PRKCQ: variants seen among roughly 807,000 people sequenced by gnomAD.
The protein encoded by PRKCQ is protein kinase C theta type.
A neutral mutation model predicts 91.2 loss-of-function variants in PRKCQ; 41 were observed. The observed-to-expected ratio is 0.45, with a 90% CI of 0.35 to 0.58. PRKCQ has a LOEUF of 0.58. Ranked by LOEUF, PRKCQ falls within the 20% of genes least tolerant of loss-of-function variation. The pLI is 0.00. For missense variants in PRKCQ, 673 were observed against 896.5 expected, an observed-to-expected ratio of 0.75 and a Z score of 3.18; for synonymous variants, 307 against 316.9, an observed-to-expected ratio of 0.97 and a Z score of 0.33.
intron 14 of PRKCQ, among the ~76,000 whole-genome samples, chr10:6,457,042 G>C (rs1366353914): frequency 2.0e-5 from 3 of 152,190 alleles, no homozygotes; most frequent in South Asian, 4.1e-4. Context: ...GTGCAGCTCA[G>C]TATAAGGAGG....
rs1833186065 is a variant in PRKCQ at position 6,427,741 on chromosome 10, G to T, written c.*466C>A. On this transcript the variant is annotated 3_prime_UTR_variant, in exon 18 of 18. Transcript: ENST00000263125. ...CCACAGATAGGAATAGAATAAAACG[G>T]GTTAGTGATTACTTGTCTGCGGCTG... 1 of 168,698 alleles carries T rather than the reference G, an allele frequency of 5.9e-6. No homozygotes were observed. The highest frequency in any genetic ancestry group is 1.3e-5 in the Non-Finnish European group (1 of 77,318). The allele number at this position is 168,698 out of a possible 1,614,324, so 10.5% of individuals were successfully genotyped here.
intron 15 of PRKCQ, among the ~76,000 whole-genome samples, chr10:6,446,602 G>A (rs1045159097): frequency 2.0e-5 from 3 of 152,008 alleles, no homozygotes; most frequent in African/African-American, 7.2e-5. Context: ...CTGACCTCAG[G>A]TGATCCGCCT....
Position 6,465,361 on chromosome 10 carries a change from CCCT to C in PRKCQ, c.1354-960_1354-958del, listed in dbSNP as rs1835593521. On this transcript the variant is annotated intron_variant, in intron 12 of 17. Coordinates refer to ENST00000263125, the MANE Select transcript of PRKCQ (RefSeq NM_006257.5). This position sits in a 1 kb window ranked among gnomAD's most constrained non-coding sequence, Gnocchi z 4.4. ...ATGATGTATGTCAGTAGAGCTGGGG[CCCT>C]CGAGTGGCCACAGTCAGAAGTAGGG... is the stretch of plus-strand genomic sequence containing the variant. 6.6e-6 allele frequency among the ~76,000 whole-genome samples: 1 copy of C among 152,170 alleles called. No homozygotes were observed. The highest frequency in any genetic ancestry group is 2.1e-4 in the South Asian group (1 of 4,828).
chr10:6,556,925 C>T (rs561290479), intron 1 of PRKCQ, among the ~76,000 whole-genome samples: 5 of 152,276 alleles, frequency 3.3e-5, no homozygotes, highest in Admixed American at 1.3e-4. Context: ...CAACTTCCTT[C>T]GCTCTGGTTC....
chr10:6,531,367 TG>T (rs1276442442), intron 1 of PRKCQ, among the ~76,000 whole-genome samples: 7 of 151,494 alleles, frequency 4.6e-5, no homozygotes, highest in Admixed American at 2.6e-4. Flanking sequence ...TGGCAATGTC[TG>T]GAGACAGATA....
chr10:6,412,950 T>A, the PRKCQ span, among the ~76,000 whole-genome samples: 1 of 103,758 alleles, frequency 9.6e-6, no homozygotes, highest in Non-Finnish European at 2.1e-5. Flanking sequence ...TACAATTTTA[T>A]TTTTTATTTT....
At position 6,571,117 on chromosome 10, in the gene PRKCQ, G is replaced by T. The variant is rs142471890; in HGVS notation, c.-10+9094C>A. Among the ~76,000 whole-genome samples the T allele has an allele frequency of 1.4e-3, 212 of 152,204 alleles. 2 individuals carry two copies. The highest frequency in any genetic ancestry group is 6.8e-3 in the Middle Eastern group (2 of 294). ...GGAGCTGGGGAAGACAGAGATCCTA[G>T]ATGGAGTGGGAAGTCACAGAGCTAC... is the stretch of plus-strand genomic sequence containing the variant. On this transcript the variant is annotated intron_variant, in intron 1 of 17. Coordinates refer to ENST00000263125, the MANE Select transcript of PRKCQ (RefSeq NM_006257.5).
the PRKCQ span, among the ~76,000 whole-genome samples, chr10:6,399,026 G>A: frequency 6.6e-6 from 1 of 152,186 alleles, no homozygotes; most frequent in Non-Finnish European, 1.5e-5. Flanking sequence ...CTCCCAAAGT[G>A]CTGAGATTAC....
In PRKCQ at chr10:6,514,811, C is replaced by T. The variant is rs115558177; in HGVS notation, c.118+207G>A. ...AAAATGATACAGTGCAATAGAGCAC[C>T]GGTGGGCCATCGGGTCCTGGTTTAG... On this transcript the variant is annotated intron_variant, in intron 2 of 17. Transcript: ENST00000263125. 8.6e-3 allele frequency among the ~76,000 whole-genome samples: 1,313 copies of T among 152,224 alleles called. 14 individuals carry two copies. The highest frequency in any genetic ancestry group is 0.03 in the African/African-American group (1,227 of 41,532).
intron 1 of PRKCQ, among the ~76,000 whole-genome samples, chr10:6,524,997 G>T (rs907762139): frequency 5.9e-5 from 9 of 152,192 alleles, no homozygotes; most frequent in African/African-American, 2.2e-4. Flanking sequence ...CCACATTACA[G>T]CTGAACTACC....
chr10:6,439,310 T>C (rs763767301), intron 16 of PRKCQ, among the ~76,000 whole-genome samples: 10 of 152,320 alleles, frequency 6.6e-5, no homozygotes, highest in South Asian at 6.2e-4. Context: ...GCTGCTAAGA[T>C]GGTAATAGCC....
At chr10:6,563,966 G>A (rs1564395973) in intron 1 of PRKCQ, among the ~76,000 whole-genome samples, 1 of 152,150 alleles carries the variant, frequency 6.6e-6, no homozygotes, top group Admixed American at 6.5e-5. Flanking sequence ...GAGGAGGTGA[G>A]GTCTCAGGGG....
At chr10:6,554,192 C>T (rs537724649) in intron 1 of PRKCQ, among the ~76,000 whole-genome samples, 2 of 152,296 alleles carry the variant, frequency 1.3e-5, no homozygotes, top group South Asian at 2.1e-4. Context: ...AGATTATAGT[C>T]TCCTTGGGAT....
intron 8 of PRKCQ, among the ~76,000 whole-genome samples, chr10:6,489,171 C>G (rs1284324568): frequency 6.6e-6 from 1 of 152,084 alleles, no homozygotes; most frequent in Admixed American, 6.6e-5. Flanking sequence ...TCACATTCGC[C>G]CTATTTAGAA....
chr10:6,451,653 A>G (rs1834686873), intron 15 of PRKCQ, among the ~76,000 whole-genome samples: 1 of 152,224 alleles, frequency 6.6e-6, no homozygotes. Flanking sequence ...AATATCCTTG[A>G]TGAACATTGA....
At chr10:6,554,188 T>C (rs1840320231) in intron 1 of PRKCQ, among the ~76,000 whole-genome samples, 1 of 152,176 alleles carries the variant, frequency 6.6e-6, no homozygotes, top group Non-Finnish European at 1.5e-5. Flanking sequence ...AGGAAGATTA[T>C]AGTCTCCTTG....
intron 15 of PRKCQ, among the ~76,000 whole-genome samples, chr10:6,454,876 A>T (rs1803633348): frequency 6.6e-6 from 1 of 152,176 alleles, no homozygotes; most frequent in Admixed American, 6.5e-5. Flanking sequence ...CACGTAAAAG[A>T]AAAGAAGGGA....
At chr10:6,527,029 C>T (rs116110067) in intron 1 of PRKCQ, among the ~76,000 whole-genome samples, 7 of 152,232 alleles carry the variant, frequency 4.6e-5, no homozygotes, top group Middle Eastern at 3.4e-3. Flanking sequence ...AGGAGCAGGG[C>T]GGCCTCAAGG....
chr10:6,529,748 A>G (rs149497554), intron 1 of PRKCQ, among the ~76,000 whole-genome samples: 1 of 152,222 alleles, frequency 6.6e-6, no homozygotes, highest in Non-Finnish European at 1.5e-5. Flanking sequence ...CTACATTATC[A>G]TATCTGCAAA....
Sources: gnomAD v4.1 joint callset for allele counts (sites outside exome capture counted in the v4.1 genomes callset) on GRCh38, gnomAD v4.1.1 for gene constraint, Gnocchi (gnomAD v3.1) non-coding constraint, MANE v1.5 for transcripts, NCBI Gene and HGNC (gene_info 2026-07-23, HGNC 2026-07-21) for gene names.